The following ARHGAP6 variants were observed in gnomAD, a reference collection of about 807,000 sequenced individuals.
The protein encoded by ARHGAP6 is rho GTPase-activating protein 6.
In ARHGAP6, 16 loss-of-function variants were observed where a neutral mutation model predicts 55.7. The observed-to-expected ratio is 0.29, with a 90% confidence interval of 0.19 to 0.44. The LOEUF (loss-of-function observed/expected upper bound fraction) is 0.44. Among genes scored for constraint, ARHGAP6 ranks in the 20% least tolerant of loss-of-function variants. The pLI, the probability that ARHGAP6 is intolerant of heterozygous loss-of-function variation, is 1.00. For missense variants in ARHGAP6, 698 were observed against 808.9 expected (o/e 0.86, Z 1.66); for synonymous variants, 382 against 360.9 (o/e 1.06, Z -0.66).
In ARHGAP6 at chrX:11,665,188, A is replaced by C; in HGVS notation, c.-360T>G. 1 of 167,971 alleles carries C rather than the reference A, an allele frequency of 6.0e-6. No individual in the cohort carries two copies. The allele number at this position is 167,971 out of a possible 1,213,427, so 13.8% of individuals were successfully genotyped here. On this transcript the variant is annotated 5_prime_UTR_variant, in exon 1 of 13. Coordinates refer to ENST00000337414, the MANE Select transcript of ARHGAP6 (RefSeq NM_013427.3). ...CCTGCCAGCGCCACTCCCCCTTCCT[A>C]GCTGAGGCGGGAGACGCAGCGCTCC...
chrX:11,470,711 A>G (rs1251255811), intron 1 of ARHGAP6, among the ~76,000 whole-genome samples: 2 of 112,135 alleles, frequency 1.8e-5, no homozygotes, highest in East Asian at 5.6e-4. Context: ...AGGTATTTGT[A>G]TCATGGAAGA....
At chrX:11,393,996 T>G (rs1013837134) in intron 1 of ARHGAP6, among the ~76,000 whole-genome samples, 1 of 111,571 alleles carries the variant, frequency 9.0e-6, no homozygotes, top group Non-Finnish European at 1.9e-5. Flanking sequence ...TAGCTTAAAG[T>G]TTCTCAGAAG....
chrX:11,201,657 A>C (rs981477636), intron 2 of ARHGAP6, among the ~76,000 whole-genome samples: 8 of 112,175 alleles, frequency 7.1e-5, no homozygotes, highest in African/African-American at 2.6e-4. Flanking sequence ...GGAAACTTAC[A>C]ATCATGGCAG....
chrX:11,542,031 G>A (rs1777438830), intron 1 of ARHGAP6, among the ~76,000 whole-genome samples: 1 of 108,660 alleles, frequency 9.2e-6, no homozygotes, highest in Admixed American at 9.8e-5. Context: ...TTTAGACTGT[G>A]CATTTGGTTT....
rs1491462940 is a variant in ARHGAP6, at chrX:11,241,573, T to TGTGC, written c.748+12974_748+12975insGCAC. On this transcript the variant is annotated intron_variant, in intron 2 of 12. Coordinates refer to ENST00000337414, the MANE Select transcript of ARHGAP6 (RefSeq NM_013427.3). ...GTGTGTGTGTGTGTGTGTGTGTGTG[T>TGTGC]GCGCGTGTGTCATCTTCAAGAAATC... Among the ~76,000 whole-genome samples the TGTGC allele has an allele frequency of 8.6e-3, 833 of 97,379 alleles. 4 individuals carry two copies. Among genetic ancestry groups the TGTGC allele is most frequent in the Middle Eastern group, 0.041 (7 of 172 alleles). The allele number at this position is 97,379 out of a possible 115,157, so 84.6% of individuals were successfully genotyped here.
At chrX:11,197,622 G>A (rs149571077) in intron 2 of ARHGAP6, among the ~76,000 whole-genome samples, 2 of 112,161 alleles carry the variant, frequency 1.8e-5, no homozygotes, top group East Asian at 5.6e-4. Flanking sequence ...GAGTTCCATG[G>A]TATAGCTATA....
chrX:11,582,919 A>G (rs764632584), intron 1 of ARHGAP6, among the ~76,000 whole-genome samples: 13 of 111,794 alleles, frequency 1.2e-4, no homozygotes, highest in South Asian at 3.7e-4. Flanking sequence ...GAGCTATAAA[A>G]GTTTTAAATT....
chrX:11,285,382 G>A (rs1489019009), intron 1 of ARHGAP6, among the ~76,000 whole-genome samples: 1 of 111,321 alleles, frequency 9.0e-6, no homozygotes, highest in Non-Finnish European at 1.9e-5. Context: ...TTGAGTTTAA[G>A]GGCCTCAGTA....
chrX:11,181,265 T>C (rs1434859025), intron 6 of ARHGAP6, among the ~76,000 whole-genome samples: 1 of 112,410 alleles, frequency 8.9e-6, no homozygotes, highest in East Asian at 2.8e-4. Flanking sequence ...ATGAGGTATT[T>C]ATTTCAATTA....
At chrX:11,641,196 T>C (rs1320056725) in intron 1 of ARHGAP6, among the ~76,000 whole-genome samples, 1 of 111,420 alleles carries the variant, frequency 9.0e-6, no homozygotes, top group Non-Finnish European at 1.9e-5. Flanking sequence ...GGGGCAAATA[T>C]GGCCTCTTAC....
chrX:11,381,656 G>C (rs757164403), intron 1 of ARHGAP6, among the ~76,000 whole-genome samples: 1 of 111,798 alleles, frequency 8.9e-6, no homozygotes, highest in African/African-American at 3.3e-5. Flanking sequence ...CCACCAGGGG[G>C]AGAACCAAAC....
chrX:11,285,564 A>C (rs2047912277), intron 1 of ARHGAP6, among the ~76,000 whole-genome samples: 1 of 112,205 alleles, frequency 8.9e-6, no homozygotes, highest in South Asian at 3.7e-4. Flanking sequence ...TACACAGGGC[A>C]TCAAGTCCTA....
intron 1 of ARHGAP6, among the ~76,000 whole-genome samples, chrX:11,551,186 G>T (rs1031662084): frequency 9.0e-6 from 1 of 111,711 alleles, no homozygotes; most frequent in African/African-American, 3.3e-5. Flanking sequence ...TCTTCACTTT[G>T]CCATAATGGG....
chrX:11,403,109 A>G (rs1199866827), intron 1 of ARHGAP6, among the ~76,000 whole-genome samples: 4 of 112,163 alleles, frequency 3.6e-5, no homozygotes, highest in Non-Finnish European at 7.5e-5. Flanking sequence ...GCTGAATTTT[A>G]CTACGAAATG....
chrX:11,489,522 C>A (rs1407793298), intron 1 of ARHGAP6, among the ~76,000 whole-genome samples: 2 of 112,552 alleles, frequency 1.8e-5, no homozygotes, highest in Non-Finnish European at 3.7e-5. Context: ...CACTGTAGTG[C>A]AAGAGCAGGC....
intron 1 of ARHGAP6, among the ~76,000 whole-genome samples, chrX:11,339,939 C>G (rs1019363789): frequency 2.0e-4 from 23 of 112,310 alleles, no homozygotes; most frequent in African/African-American, 7.4e-4. Flanking sequence ...TTTTCCTTCA[C>G]CAGCCCCTTA....
chrX:11,664,103 T>C (rs1354432742), intron 1 of ARHGAP6, 138 bp downstream of exon 1: 2 of 601,343 alleles, frequency 3.3e-6, no homozygotes, highest in African/African-American at 2.3e-5. Flanking sequence ...ATTTAGCAAG[T>C]AGAAGAGGAA....
intron 1 of ARHGAP6, among the ~76,000 whole-genome samples, chrX:11,617,891 G>T (rs1026368439): frequency 9.0e-6 from 1 of 111,031 alleles, no homozygotes; most frequent in Admixed American, 9.6e-5. Flanking sequence ...AGCCTTTTGT[G>T]GTTGACCCCA....
At chrX:11,592,809 C>G (rs1209048539) in intron 1 of ARHGAP6, among the ~76,000 whole-genome samples, 1 of 111,371 alleles carries the variant, frequency 9.0e-6, no homozygotes, top group Non-Finnish European at 1.9e-5. Context: ...TGTTTGTTAG[C>G]TCAGAGGAAC....
Sources: gnomAD v4.1 joint callset for allele counts (sites outside exome capture counted in the v4.1 genomes callset) on GRCh38, gnomAD v4.1.1 for gene constraint, MANE v1.5 for transcripts, NCBI Gene and HGNC (gene_info 2026-07-23, HGNC 2026-07-21) for gene names.